TENM2: variants seen among roughly 807,000 people sequenced by gnomAD.
TENM2 encodes teneurin-2.
Under a neutral mutation model 245.2 loss-of-function variants are expected in TENM2, and 52 were observed. The ratio of observed to expected loss-of-function variants is 0.21; its 90% CI spans 0.17 to 0.27. The LOEUF (loss-of-function observed/expected upper bound fraction) is 0.27. TENM2 is among the 10% of genes least tolerant of loss of function. The probability of loss-of-function intolerance (pLI) is 1.00; values close to 1 mark genes in which losing one functional copy is unlikely to be tolerated. For missense variants in TENM2, 3,046 were observed against 3,666.8 expected (o/e 0.83, Z 4.37); for synonymous variants, 1,363 against 1,438.9 (o/e 0.95, Z 1.19).
chr5:167,178,823 G>A, the TENM2 span, among the ~76,000 whole-genome samples: 1 of 152,020 alleles, frequency 6.6e-6, no homozygotes, highest in African/African-American at 2.4e-5. Context: ...TATAAAATGG[G>A]GCCACATTCT....
intron 2 of TENM2, among the ~76,000 whole-genome samples, chr5:167,727,359 G>A (rs377729033): frequency 5.9e-5 from 9 of 152,138 alleles, no homozygotes; most frequent in East Asian, 3.9e-4. Context: ...TGATCCTCCC[G>A]CCTCAGCCTC....
At chr5:167,364,973 A>G (rs1241589908) in intron 1 of TENM2, among the ~76,000 whole-genome samples, 3 of 152,078 alleles carry the variant, frequency 2.0e-5, no homozygotes, top group Non-Finnish European at 4.4e-5. Flanking sequence ...ATAGACATTT[A>G]TAGGACACTA....
At chr5:168,235,191 T>C (rs756994071) in intron 25 of TENM2, among the ~76,000 whole-genome samples, 9 of 152,242 alleles carry the variant, frequency 5.9e-5, no homozygotes, top group Admixed American at 1.3e-4. Flanking sequence ...ACGTGACTAA[T>C]ATTTTATATT....
At chr5:167,811,401 T>C (rs887475894) in intron 2 of TENM2, among the ~76,000 whole-genome samples, 2 of 152,092 alleles carry the variant, frequency 1.3e-5, no homozygotes, top group Admixed American at 1.3e-4. Context: ...CTCTTGCTCC[T>C]GACCCCACCA....
intron 1 of TENM2, among the ~76,000 whole-genome samples, chr5:167,365,679 T>C (rs1467752662): frequency 6.6e-6 from 1 of 152,026 alleles, no homozygotes; most frequent in African/African-American, 2.4e-5. Context: ...CAGAAGTCTT[T>C]ATTAGGGTCA....
At chr5:168,070,152 C>T (rs1426956804) in intron 7 of TENM2, among the ~76,000 whole-genome samples, 1 of 152,148 alleles carries the variant, frequency 6.6e-6, no homozygotes, top group African/African-American at 2.4e-5. Flanking sequence ...TCTCTAAAAA[C>T]AGCATGTGTT....
chr5:167,725,488 A>G (rs1759936823), intron 2 of TENM2, among the ~76,000 whole-genome samples: 2 of 152,144 alleles, frequency 1.3e-5, no homozygotes, highest in Non-Finnish European at 2.9e-5. Flanking sequence ...GCTGCCTCTC[A>G]TGCTAAATGC....
chr5:167,260,091 A>T, the TENM2 span, among the ~76,000 whole-genome samples: 3 of 152,232 alleles, frequency 2.0e-5, no homozygotes, highest in Admixed American at 2.0e-4. Context: ...CAGTTTATCC[A>T]TCTTCATTAA....
At chr5:167,675,667 A>G (rs1333562940) in intron 2 of TENM2, among the ~76,000 whole-genome samples, 3 of 152,094 alleles carry the variant, frequency 2.0e-5, no homozygotes, top group South Asian at 2.1e-4. Flanking sequence ...TCTGCTACTT[A>G]AAATTTGGTG....
the TENM2 span, among the ~76,000 whole-genome samples, chr5:167,096,310 T>C: frequency 6.6e-6 from 1 of 152,162 alleles, no homozygotes; most frequent in South Asian, 2.1e-4. Context: ...CCTTTTCTGA[T>C]TTATGTTTTA....
intron 2 of TENM2, among the ~76,000 whole-genome samples, chr5:167,652,171 G>A (rs1307932493): frequency 6.6e-6 from 1 of 152,154 alleles, no homozygotes; most frequent in Non-Finnish European, 1.5e-5. Context: ...AGGAATCATG[G>A]ATTATGGATT....
At chr5:167,200,817 A>G in the TENM2 span, among the ~76,000 whole-genome samples, 1 of 152,124 alleles carries the variant, frequency 6.6e-6, no homozygotes, top group African/African-American at 2.4e-5. Context: ...AAGATTTGTA[A>G]CATTAAAGAA....
chr5:167,744,109 C>T (rs1207452889), intron 2 of TENM2, among the ~76,000 whole-genome samples: 8 of 152,184 alleles, frequency 5.3e-5, no homozygotes, highest in Non-Finnish European at 1.0e-4. Flanking sequence ...TCTGTTTATT[C>T]AGCCTTATTA....
At chr5:167,703,967 G>T (rs1758335942) in intron 2 of TENM2, among the ~76,000 whole-genome samples, 1 of 152,150 alleles carries the variant, frequency 6.6e-6, no homozygotes, top group Non-Finnish European at 1.5e-5. Context: ...AGAAGAGGTG[G>T]AAGGAATAGA....
intron 1 of TENM2, among the ~76,000 whole-genome samples, chr5:167,315,308 G>A (rs1473446618): frequency 6.6e-6 from 1 of 152,108 alleles, no homozygotes; most frequent in Non-Finnish European, 1.5e-5. Flanking sequence ...AGTAGGTAAG[G>A]TGGTATCATA....
At position 168,177,166 on chromosome 5, in the gene TENM2, G is replaced by A. The variant is rs1356200486; in HGVS notation, c.2570-13171G>A. Among the ~76,000 whole-genome samples, 53 of 152,226 alleles carry A rather than the reference G, an allele frequency of 3.5e-4. 1 individual carries two copies. Among genetic ancestry groups the A allele is most frequent in the Non-Finnish European group, 4.4e-5 (3 of 68,046 alleles). ...TAGGGGAGAAGAACAGCAAGTCTAA[G>A]GCTGGGCCAGCTGCGTGTGAATCCC... On this transcript the variant is annotated intron_variant, in intron 13 of 28. Transcript: ENST00000518659.
intron 2 of TENM2, among the ~76,000 whole-genome samples, chr5:167,852,255 T>C (rs1031446426): frequency 1.3e-5 from 2 of 152,252 alleles, no homozygotes; most frequent in Non-Finnish European, 2.9e-5. Context: ...TGTCAAGATT[T>C]ACAGTAATCG....
At chr5:167,296,078 A>AG (rs1333599978) in intron 1 of TENM2, among the ~76,000 whole-genome samples, 1 of 152,144 alleles carries the variant, frequency 6.6e-6, no homozygotes, top group African/African-American at 2.4e-5. Context: ...TTCAAGAATG[A>AG]GGGGGGAAAA....
intron 25 of TENM2, among the ~76,000 whole-genome samples, chr5:168,235,160 G>C (rs1371272425): frequency 6.6e-6 from 1 of 152,130 alleles, no homozygotes; most frequent in Non-Finnish European, 1.5e-5. Flanking sequence ...GCTCCTTCCT[G>C]CCACAATGCA....
Sources: gnomAD v4.1 joint callset for allele counts (sites outside exome capture counted in the v4.1 genomes callset) on GRCh38, gnomAD v4.1.1 for gene constraint, MANE v1.5 for transcripts, NCBI Gene and HGNC (gene_info 2026-07-23, HGNC 2026-07-21) for gene names.